CADM2: variants seen among roughly 807,000 people sequenced by gnomAD.
CADM2 encodes the protein immunoglobulin superfamily member 4D.
In CADM2, 12 loss-of-function variants were observed where a neutral mutation model predicts 49.8. The observed-to-expected ratio is 0.24, with a 90% confidence interval of 0.15 to 0.39. The LOEUF (loss-of-function observed/expected upper bound fraction) is 0.39, where lower values mean the gene tolerates loss of function less well. Ranked by LOEUF, CADM2 falls within the 10% of genes least tolerant of loss-of-function variation. The pLI, the probability that CADM2 is intolerant of heterozygous loss-of-function variation, is 1.00. For synonymous variants in CADM2, 214 were observed against 175.4 expected (o/e 1.22, Z -1.74); for missense variants, 378 against 492.3 (o/e 0.77, Z 2.20).
rs570578266 is a variant in CADM2 at position 85,494,470 on chromosome 3, T to C, written c.62-232052T>C. Reference sequence around the variant, plus strand: ...CCTAGAATCTTGTGTAATGCATTTTTGTATCTATTTTAGAAAGTTCAGTGC... The same window carrying C: ...CCTAGAATCTTGTGTAATGCATTTTCGTATCTATTTTAGAAAGTTCAGTGC... On this transcript the variant is annotated intron_variant, in intron 1 of 9. Transcript: ENST00000383699. Among the ~76,000 whole-genome samples the C allele has an allele frequency of 2.0e-5, 3 of 152,262 alleles. No individual in the cohort carries two copies. In the East Asian group the frequency reaches 5.8e-4, roughly 29 times the overall value.
At chr3:85,971,111 C>G (rs1384069534) in intron 8 of CADM2, among the ~76,000 whole-genome samples, 1 of 151,432 alleles carries the variant, frequency 6.6e-6, no homozygotes. Flanking sequence ...ATATTAAGAT[C>G]ATTTTTTCTA....
chr3:85,384,817 A>G (rs1195725821), intron 1 of CADM2, among the ~76,000 whole-genome samples: 1 of 151,910 alleles, frequency 6.6e-6, no homozygotes, highest in East Asian at 1.9e-4. Context: ...ATTTCAAATT[A>G]CTGGAATTTA....
intron 1 of CADM2, among the ~76,000 whole-genome samples, chr3:85,457,921 C>T (rs1032499980): frequency 2.0e-5 from 3 of 152,098 alleles, no homozygotes; most frequent in African/African-American, 7.2e-5. Context: ...TCTCCTAGTA[C>T]TTTTCTACTC....
intron 1 of CADM2, among the ~76,000 whole-genome samples, chr3:85,309,942 C>T (rs543139900): frequency 2.0e-5 from 3 of 152,278 alleles, no homozygotes; most frequent in South Asian, 2.1e-4. Flanking sequence ...TGTAAAACTG[C>T]TATTGAAGAT....
At chr3:85,504,996 A>ACCCGGAACTCCAGCTGG (rs1388630863) in intron 1 of CADM2, among the ~76,000 whole-genome samples, 1 of 151,984 alleles carries the variant, frequency 6.6e-6, no homozygotes, top group East Asian at 1.9e-4. Flanking sequence ...GCCCACGCCC[A>ACCCGGAACTCCAGCTGG]CCCGGAACTC....
chr3:85,430,468 T>G (rs1282875590), intron 1 of CADM2, among the ~76,000 whole-genome samples: 4 of 151,932 alleles, frequency 2.6e-5, no homozygotes, highest in Admixed American at 6.6e-5. Flanking sequence ...CAGTGATCCA[T>G]GATTGCACCA....
chr3:85,212,871 TTTCTTTCTTTCTTTCTCTTTCTTTC>T (rs1307122866), intron 1 of CADM2, among the ~76,000 whole-genome samples: 66 of 132,184 alleles, frequency 5.0e-4, no homozygotes, highest in African/African-American at 2.2e-3. Flanking sequence ...TCTTTCTTTC[TTTCTTTCTTTCTTTCTCTTTCTTTC>T]TTTTAATGGA....
intron 1 of CADM2, among the ~76,000 whole-genome samples, chr3:85,183,385 A>G (rs930969664): frequency 5.3e-5 from 8 of 152,174 alleles, no homozygotes; most frequent in Non-Finnish European, 1.2e-4. Flanking sequence ...ATCCTATAAG[A>G]AAGCATGAAA....
chr3:85,612,278 A>G (rs1408288821), intron 1 of CADM2, among the ~76,000 whole-genome samples: 1 of 151,934 alleles, frequency 6.6e-6, no homozygotes, highest in East Asian at 1.9e-4. Context: ...GTAAGCACAT[A>G]GCCACACTTA....
At chr3:85,411,086 T>C (rs1342734608) in intron 1 of CADM2, among the ~76,000 whole-genome samples, 4 of 152,212 alleles carry the variant, frequency 2.6e-5, no homozygotes, top group Non-Finnish European at 5.9e-5. Flanking sequence ...CATTCTGTCT[T>C]TGAAAATGTG....
chr3:85,099,853 AG>A (rs1357630676), intron 1 of CADM2, among the ~76,000 whole-genome samples: 12 of 152,224 alleles, frequency 7.9e-5, no homozygotes, highest in African/African-American at 2.7e-4. Context: ...ATAACAGCAT[AG>A]GTTTAGTGTT....
Position 85,035,891 on chromosome 3 carries a change from T to A in CADM2, c.61+76223T>A, listed in dbSNP as rs138279181. ...TCTAAAAATGTTTTTCAGGAAAATA[T>A]CTATTCATTGCTTTAAGCAATCTAA... is the stretch of plus-strand genomic sequence containing the variant. On this transcript the variant is annotated intron_variant, in intron 1 of 9. Coordinates refer to ENST00000383699, the MANE Select transcript of CADM2 (RefSeq NM_001167675.2). Among the ~76,000 whole-genome samples, 5 of 152,332 alleles carry A rather than the reference T, an allele frequency of 3.3e-5. No individual in the cohort carries two copies. In the East Asian group the frequency reaches 9.6e-4, roughly 29 times the overall value.
At chr3:85,846,427 T>C (rs145097707) in intron 3 of CADM2, among the ~76,000 whole-genome samples, 1 of 152,164 alleles carries the variant, frequency 6.6e-6, no homozygotes, top group Admixed American at 6.5e-5. Flanking sequence ...ATTTCTTATA[T>C]GCCAATTCCT....
At chr3:85,714,583 C>T (rs151146418) in intron 1 of CADM2, among the ~76,000 whole-genome samples, 1,672 of 151,956 alleles carry the variant, frequency 0.011, 12 homozygotes, top group Non-Finnish European at 0.017. Context: ...CCCGCCACCA[C>T]GCCCGGCTAA....
At chr3:85,492,161 T>G (rs148132808) in intron 1 of CADM2, among the ~76,000 whole-genome samples, 1 of 152,326 alleles carries the variant, frequency 6.6e-6, no homozygotes, top group East Asian at 1.9e-4. Flanking sequence ...CAACATACTA[T>G]TTTAAAAACA....
intron 1 of CADM2, among the ~76,000 whole-genome samples, chr3:85,692,878 C>T (rs1307069452): frequency 6.6e-6 from 1 of 152,126 alleles, no homozygotes; most frequent in Non-Finnish European, 1.5e-5. Context: ...TTAGAGGATA[C>T]CTCTCAAATT....
Position 86,014,621 on chromosome 3 carries a change from A to G in CADM2, c.971-50984A>G. ...TTCAGGAACTTAAAGATATATTCTTAGAACAGCACCTCAAAGCTCTTAAAT... is the reference window on the plus strand; with the variant it reads ...TTCAGGAACTTAAAGATATATTCTTGGAACAGCACCTCAAAGCTCTTAAAT... On this transcript the variant is annotated intron_variant, in intron 8 of 9. Transcript: ENST00000383699. 1.9e-6 allele frequency: 3 copies of G among 1,593,952 alleles called. No homozygotes were observed. The South Asian group carries it at 3.3e-5, about 18-fold the overall frequency.
At chr3:85,842,098 A>G (rs2074664424) in intron 3 of CADM2, among the ~76,000 whole-genome samples, 1 of 152,112 alleles carries the variant, frequency 6.6e-6, no homozygotes, top group African/African-American at 2.4e-5. Context: ...GCTGCTGCAG[A>G]GGTTAAAAAA....
intron 1 of CADM2, among the ~76,000 whole-genome samples, chr3:85,678,774 A>G (rs1357338404): frequency 2.0e-5 from 3 of 152,216 alleles, no homozygotes; most frequent in Admixed American, 2.0e-4. Context: ...TATTCATTAG[A>G]TGACTCTTAT....
Sources: gnomAD v4.1 joint callset for allele counts (sites outside exome capture counted in the v4.1 genomes callset) on GRCh38, gnomAD v4.1.1 for gene constraint, MANE v1.5 for transcripts, NCBI Gene and HGNC (gene_info 2026-07-23, HGNC 2026-07-21) for gene names.